Variants in AUTS2 observed in about 807,000 individuals in gnomAD.
AUTS2 encodes activator of transcription and developmental regulator AUTS2.
A neutral mutation model predicts 112.4 loss-of-function variants in AUTS2; 17 were observed. That is an observed-to-expected ratio of 0.15 (90% CI 0.10 to 0.23). The LOEUF is 0.23. Ranked by LOEUF, AUTS2 falls within the 10% of genes least tolerant of loss-of-function variation. The probability of loss-of-function intolerance (pLI) is 1.00; values close to 1 mark genes in which losing one functional copy is unlikely to be tolerated. For missense variants in AUTS2, 1,510 were observed against 1,701.6 expected, an observed-to-expected ratio of 0.89 and a Z score of 1.98; for synonymous variants, 751 against 702.7, an observed-to-expected ratio of 1.07 and a Z score of -1.09.
chr7:70,597,251 T>A (rs568585156), intron 5 of AUTS2, among the ~76,000 whole-genome samples: 1 of 152,350 alleles, frequency 6.6e-6, no homozygotes, highest in South Asian at 2.1e-4. Context: ...TCTGAACGGC[T>A]TAGAAATGAT....
intron 4 of AUTS2, among the ~76,000 whole-genome samples, chr7:70,328,734 A>G (rs1188969986): frequency 6.6e-6 from 1 of 152,228 alleles, no homozygotes; most frequent in Non-Finnish European, 1.5e-5. Context: ...TTTATGATGC[A>G]AGATTTAAGA....
chr7:70,722,738 C>T (rs538791116), intron 6 of AUTS2, among the ~76,000 whole-genome samples: 33 of 152,202 alleles, frequency 2.2e-4, no homozygotes, highest in Non-Finnish European at 3.8e-4. Flanking sequence ...AGAATTTTTA[C>T]GTGAATCCCT....
intron 1 of AUTS2, among the ~76,000 whole-genome samples, chr7:69,893,325 A>G (rs2129539489): frequency 6.6e-6 from 1 of 152,266 alleles, no homozygotes; most frequent in East Asian, 1.9e-4. Flanking sequence ...TTGTGAACAT[A>G]TCTATCTAGT....
chr7:70,771,740 G>T, intron 11 of AUTS2, 96 bp downstream of exon 11: 1 of 1,083,132 alleles, frequency 9.2e-7, no homozygotes, highest in South Asian at 1.5e-5. Context: ...CCTGTGCAGT[G>T]ACTCATTAAT....
intron 5 of AUTS2, among the ~76,000 whole-genome samples, chr7:70,525,950 T>C (rs1014651054): frequency 2.0e-5 from 3 of 152,178 alleles, no homozygotes; most frequent in Non-Finnish European, 4.4e-5. Context: ...GGGAGAGGGT[T>C]AGCTCCTGCC....
At chr7:70,284,404 A>T (rs537472459) in intron 4 of AUTS2, among the ~76,000 whole-genome samples, 1 of 152,222 alleles carries the variant, frequency 6.6e-6, no homozygotes, top group South Asian at 2.1e-4. Flanking sequence ...GGATTGCTGG[A>T]TCAAAGGCTC....
intron 2 of AUTS2, among the ~76,000 whole-genome samples, chr7:69,973,594 G>A (rs1404370123): frequency 6.6e-6 from 1 of 152,080 alleles, no homozygotes; most frequent in Admixed American, 6.5e-5. Context: ...TTATCAAATT[G>A]AAGTAGTTCC....
At chr7:70,687,414 A>C (rs1320030639) in intron 5 of AUTS2, among the ~76,000 whole-genome samples, 1 of 152,214 alleles carries the variant, frequency 6.6e-6, no homozygotes, top group Non-Finnish European at 1.5e-5. Flanking sequence ...GGGTTGTCAG[A>C]TTCTGAATAT....
At chr7:69,924,361 C>A (rs922078761) in intron 2 of AUTS2, among the ~76,000 whole-genome samples, 10 of 151,932 alleles carry the variant, frequency 6.6e-5, no homozygotes, top group Admixed American at 6.6e-4. Flanking sequence ...AATTTTTACA[C>A]CTGTGTTCAT....
At chr7:70,277,486 A>G (rs1787983890) in intron 4 of AUTS2, among the ~76,000 whole-genome samples, 1 of 152,294 alleles carries the variant, frequency 6.6e-6, no homozygotes, top group East Asian at 1.9e-4. Flanking sequence ...GCATGTTAAG[A>G]TGTGGTAATT....
At chr7:69,863,083 T>TAG (rs1205304271) in intron 1 of AUTS2, among the ~76,000 whole-genome samples, 1 of 152,148 alleles carries the variant, frequency 6.6e-6, no homozygotes, top group East Asian at 1.9e-4. Context: ...GGGGTGGTGA[T>TAG]AGGGTGTACA....
rs1029955765 is a variant in AUTS2, at chr7:70,791,264, A to G, written c.*268A>G. ...AAAACTTTTTGATTTGAACCAAAAC[A>G]GTGAAGATGACAACACACACCAATT... On this transcript the variant is annotated 3_prime_UTR_variant, in exon 19 of 19. Transcript: ENST00000342771. The G allele has an allele frequency of 5.1e-6, 1 of 195,100 alleles. No individual in the cohort carries two copies. Among genetic ancestry groups the G allele is most frequent in the African/African-American group, 2.5e-5 (1 of 40,544 alleles). 12.1% of individuals were successfully genotyped at this position (195,100 alleles called of 1,614,324 possible). A position where few individuals can be genotyped will look rare whatever the true frequency, so the allele number is the denominator to read the frequency against.
chr7:70,124,922 G>GTTTTT (rs1374675141), intron 3 of AUTS2, among the ~76,000 whole-genome samples: 2 of 152,058 alleles, frequency 1.3e-5, no homozygotes, highest in Non-Finnish European at 2.9e-5. Flanking sequence ...GATGACTACT[G>GTTTTT]GTTTTTGTTT....
intron 4 of AUTS2, among the ~76,000 whole-genome samples, chr7:70,158,846 T>C (rs1807923390): frequency 6.6e-6 from 1 of 152,188 alleles, no homozygotes; most frequent in Non-Finnish European, 1.5e-5. Flanking sequence ...AGGCAATAAA[T>C]ATATAAATAA....
chr7:70,071,699 G>A (rs1802775280), intron 2 of AUTS2, among the ~76,000 whole-genome samples: 1 of 152,204 alleles, frequency 6.6e-6, no homozygotes, highest in Non-Finnish European at 1.5e-5. Flanking sequence ...AGTCTACTGA[G>A]CTTTCACTGG....
chr7:70,647,698 C>T (rs1471090307), intron 5 of AUTS2, among the ~76,000 whole-genome samples: 1 of 152,162 alleles, frequency 6.6e-6, no homozygotes, highest in African/African-American at 2.4e-5. Flanking sequence ...GGTATCATAC[C>T]TGTCTCTCAA....
chr7:70,617,729 G>GAGTTGGAAAAGTTAAATGATTCACT (rs1171818488), intron 5 of AUTS2, among the ~76,000 whole-genome samples: 5 of 152,226 alleles, frequency 3.3e-5, no homozygotes, highest in African/African-American at 9.6e-5. Flanking sequence ...AGGAAGGGGA[G>GAGTTGGAAAAGTTAAATGATTCACT]AGTTGGAAAA....
chr7:70,297,983 C>T (rs1789022838), intron 4 of AUTS2, among the ~76,000 whole-genome samples: 1 of 152,074 alleles, frequency 6.6e-6, no homozygotes, highest in South Asian at 2.1e-4. Context: ...TTAGAGCTTC[C>T]TATGCACCTG....
In AUTS2 at chr7:70,723,434, GCCAAACTGCC is replaced by G. The variant is rs541404957; in HGVS notation, c.742+24818_742+24827del. On this transcript the variant is annotated intron_variant, in intron 6 of 18. Coordinates refer to ENST00000342771, the MANE Select transcript of AUTS2 (RefSeq NM_015570.4). ...CAAGGGCACTTGGAAGCTCAGAGAG[GCCAAACTGCC>G]CCAGGACCAGTGGGCTGGCAAATGG... Among the ~76,000 whole-genome samples the G allele has an allele frequency of 5.3e-3, 803 of 152,062 alleles. 9 individuals are homozygous for G. The highest frequency in any genetic ancestry group is 0.018 in the African/African-American group (747 of 41,514).
Sources: allele counts gnomAD v4.1 joint callset (sites outside exome capture counted in the v4.1 genomes callset), GRCh38; gene constraint gnomAD v4.1.1; transcripts MANE v1.5; gene names NCBI Gene and HGNC (gene_info 2026-07-23, HGNC 2026-07-21).